CLOCK: variants seen among roughly 807,000 people sequenced by gnomAD.
CLOCK encodes the protein clock circadian regulator.
A neutral mutation model predicts 118.4 loss-of-function variants in CLOCK; 43 were observed. The ratio of observed to expected loss-of-function variants is 0.36; its 90% CI spans 0.28 to 0.47. The LOEUF is 0.47. Ranked by LOEUF, CLOCK falls within the 20% of genes least tolerant of loss-of-function variation. CLOCK has a pLI of 1.00. For missense variants in CLOCK, 846 were observed against 999.9 expected (o/e 0.85, Z 2.08); for synonymous variants, 326 against 339.2 (o/e 0.96, Z 0.43).
At chr4:55,453,023 AAAT>A in intron 15 of CLOCK, 28 bp downstream of exon 15, 1 of 1,477,554 alleles carries the variant, frequency 6.8e-7, no homozygotes, top group South Asian at 1.2e-5. Context: ...GAGAAATTAA[AAAT>A]AATTTTTTTT....
chr4:55,493,549 A>G (rs1348652575), intron 2 of CLOCK, among the ~76,000 whole-genome samples: 1 of 152,234 alleles, frequency 6.6e-6, no homozygotes, highest in African/African-American at 2.4e-5. Context: ...TAACTGAAAC[A>G]GTAATTATTT....
At chr4:55,520,210 A>G (rs576386879) in intron 1 of CLOCK, among the ~76,000 whole-genome samples, 23 of 152,254 alleles carry the variant, frequency 1.5e-4, no homozygotes, top group Non-Finnish European at 2.2e-4. Flanking sequence ...CCACTTTTTT[A>G]AGGCCACCAA....
rs1232119509 is a variant in CLOCK, at chr4:55,443,913, T to G, written c.1693-17A>C. ...CAAAAACATCTTTAAAAATAAAGAT[T>G]ATGTTAAAATGAGCTTTGTAGATTG... is the stretch of plus-strand genomic sequence containing the variant. On this transcript the variant is annotated splice_polypyrimidine_tract_variant and intron_variant, in intron 19 of 22. Transcript: ENST00000513440. 1 of 1,598,964 alleles carries G rather than the reference T, an allele frequency of 6.3e-7. No individual in the cohort carries two copies. The highest frequency in any genetic ancestry group is 8.6e-7 in the Non-Finnish European group (1 of 1,168,978).
chr4:55,535,193 A>T (rs1730810577), intron 1 of CLOCK, among the ~76,000 whole-genome samples: 1 of 147,664 alleles, frequency 6.8e-6, no homozygotes, highest in Admixed American at 6.8e-5. Context: ...GTATAAAAAA[A>T]AATTTTTTTG....
rs1722609092 is a variant in CLOCK at position 55,432,813 on chromosome 4, A to G, written c.*2602T>C. ...CAGGAAAAGATGAGCTGCGAAGAAC[A>G]GTAAGAATCATAAAGGAAAATTTTA... On this transcript the variant is annotated 3_prime_UTR_variant, in exon 23 of 23. Transcript: ENST00000513440. The G allele has an allele frequency of 6.6e-6, 1 of 152,230 alleles. No homozygotes were observed. The highest frequency in any genetic ancestry group is 2.4e-5 in the African/African-American group (1 of 41,432). The allele number at this position is 152,230 out of a possible 1,614,324, so 9.4% of individuals were successfully genotyped here.
intron 2 of CLOCK, among the ~76,000 whole-genome samples, chr4:55,509,257 C>A (rs1728994996): frequency 6.6e-6 from 1 of 152,194 alleles, no homozygotes; most frequent in African/African-American, 2.4e-5. Flanking sequence ...TACTTAACTG[C>A]TGCTATAGCC....
At chr4:55,490,424 T>A (rs1409307207) in intron 2 of CLOCK, among the ~76,000 whole-genome samples, 1 of 152,000 alleles carries the variant, frequency 6.6e-6, no homozygotes, top group Non-Finnish European at 1.5e-5. Flanking sequence ...TAGCAGGAGA[T>A]GTCAATACCC....
intron 1 of CLOCK, among the ~76,000 whole-genome samples, chr4:55,523,801 TAAAAAAAATTGAAG>T: frequency 6.6e-6 from 1 of 152,182 alleles, no homozygotes; most frequent in African/African-American, 2.4e-5. Context: ...AATTTCATCA[TAAAAAAAATTGAAG>T]AAGTTTTTGA....
intron 2 of CLOCK, among the ~76,000 whole-genome samples, chr4:55,497,493 A>C (rs1459033238): frequency 2.0e-5 from 3 of 152,204 alleles, no homozygotes; most frequent in Admixed American, 2.0e-4. Flanking sequence ...CCATGGACCA[A>C]AAAGTCTCTG....
intron 9 of CLOCK, among the ~76,000 whole-genome samples, chr4:55,462,021 T>C (rs1465888443): frequency 6.6e-6 from 1 of 152,204 alleles, no homozygotes; most frequent in Admixed American, 6.5e-5. Flanking sequence ...TTAACTTGTG[T>C]TTATTCTTTT....
intron 9 of CLOCK, among the ~76,000 whole-genome samples, chr4:55,462,488 A>G (rs1398866840): frequency 1.3e-5 from 2 of 152,180 alleles, no homozygotes; most frequent in African/African-American, 4.8e-5. Context: ...CATGTTGGCC[A>G]GGCTGGTCTC....
intron 2 of CLOCK, among the ~76,000 whole-genome samples, chr4:55,506,777 T>C (rs1728826663): frequency 1.3e-5 from 2 of 152,006 alleles, no homozygotes; most frequent in Admixed American, 1.3e-4. Flanking sequence ...GCCAGGCTGG[T>C]CTCAAACTCC....
At chr4:55,496,214 C>T (rs1451907155) in intron 2 of CLOCK, among the ~76,000 whole-genome samples, 1 of 150,920 alleles carries the variant, frequency 6.6e-6, no homozygotes, top group Non-Finnish European at 1.5e-5. Context: ...AATCAAAAAA[C>T]AAAAACAAAA....
At chr4:55,456,032 A>G (rs905293841) in intron 12 of CLOCK, 29 bp from the exon 13 acceptor site, 15 of 1,559,702 alleles carry the variant, frequency 9.6e-6, no homozygotes, top group Middle Eastern at 1.7e-4. Context: ...AATCATTATT[A>G]TAAGTTTTTC....
intron 2 of CLOCK, among the ~76,000 whole-genome samples, chr4:55,492,494 TAATAA>T (rs1436814598): frequency 6.6e-6 from 1 of 151,974 alleles, no homozygotes; most frequent in Non-Finnish European, 1.5e-5. Flanking sequence ...CTTTGAGAAA[TAATAA>T]AATAATCAAA....
intron 6 of CLOCK, 46 bp from the exon 7 acceptor site, chr4:55,476,100 G>A (rs1472811836): frequency 8.2e-7 from 1 of 1,222,652 alleles, no homozygotes; most frequent in Admixed American, 1.7e-5. Context: ...ACCACCGGAG[G>A]AGTACAAAAG....
chr4:55,544,593 T>G (rs1048050928), intron 1 of CLOCK, among the ~76,000 whole-genome samples: 6 of 152,192 alleles, frequency 3.9e-5, no homozygotes, highest in Non-Finnish European at 4.4e-5. Flanking sequence ...TTAGTTGATT[T>G]TCCTAAAAAA....
intron 16 of CLOCK, 28 bp downstream of exon 16, chr4:55,450,062 GA>G: frequency 6.2e-7 from 1 of 1,613,622 alleles, no homozygotes; most frequent in Non-Finnish European, 8.5e-7. Context: ...TACTTTAAAG[GA>G]AGTCTGCTTT....
chr4:55,462,697 T>A (rs1051482915), intron 9 of CLOCK, among the ~76,000 whole-genome samples: 1 of 152,342 alleles, frequency 6.6e-6, no homozygotes, highest in Non-Finnish European at 1.5e-5. Context: ...TAAATCTTTC[T>A]AAGTACCAGA....
Sources: allele counts gnomAD v4.1 joint callset (sites outside exome capture counted in the v4.1 genomes callset), GRCh38; gene constraint gnomAD v4.1.1; transcripts MANE v1.5; gene names NCBI Gene and HGNC (gene_info 2026-07-23, HGNC 2026-07-21).